Variants in ADARB1 observed in about 807,000 individuals in gnomAD.
ADARB1 encodes adenosine deaminase RNA specific B1, also known as double-stranded RNA-specific editase 1.
In ADARB1, 10 loss-of-function variants were observed where a neutral mutation model predicts 52.4. That is an observed-to-expected ratio of 0.19 (90% CI 0.12 to 0.32). The LOEUF (loss-of-function observed/expected upper bound fraction) is 0.32, where lower values mean the gene tolerates loss of function less well. Ranked by LOEUF, ADARB1 falls within the 10% of genes least tolerant of loss-of-function variation. The pLI is 1.00. For synonymous variants in ADARB1, 349 were observed against 371.1 expected, an observed-to-expected ratio of 0.94 and a Z score of 0.68; for missense variants, 643 against 922.3, an observed-to-expected ratio of 0.70 and a Z score of 3.92.
intron 2 of ADARB1, among the ~76,000 whole-genome samples, chr21:45,139,959 T>C (rs2089628097): frequency 8.5e-6 from 1 of 118,134 alleles, no homozygotes; most frequent in South Asian, 2.8e-4. Context: ...TTTTTTTTTT[T>C]TGACACAGAG....
chr21:45,176,544 G>A lies in ADARB1; in HGVS notation c.843G>A (p.Lys281=), dbSNP rs61735851. The A allele has an allele frequency of 5.9e-3, 9,586 of 1,614,224 alleles. 49 individuals carry two copies. The highest frequency in any genetic ancestry group is 7.2e-3 in the Non-Finnish European group (8,544 of 1,180,028). ...TCTTTGAAGGCTCGGGGAGAAACAAGAAGCTTGCCAAGGCCCGGGCTGCGC... is the reference window on the plus strand; with the variant it reads ...TCTTTGAAGGCTCGGGGAGAAACAAAAAGCTTGCCAAGGCCCGGGCTGCGC... ...GQFFEGSGRN[K]KLAKARAAQS... The change falls in exon 4 of 11, where the codon AAG becomes AAA. Residue 281 remains lysine (K), a synonymous_variant. Transcript: ENST00000348831. This position sits in a 1 kb window ranked among gnomAD's most constrained non-coding sequence, Gnocchi z 5.8.
chr21:45,193,075 C>G (rs938595185), intron 8 of ADARB1, among the ~76,000 whole-genome samples: 1 of 152,152 alleles, frequency 6.6e-6, no homozygotes, highest in Non-Finnish European at 1.5e-5. Context: ...AGAGATACTT[C>G]CCAACTCATT....
chr21:45,083,867 A>AT (rs2086240996), intron 1 of ADARB1, among the ~76,000 whole-genome samples: 1 of 152,054 alleles, frequency 6.6e-6, no homozygotes. Context: ...CACCCGGCTA[A>AT]TTTTTGTATT....
chr21:45,144,047 A>G (rs1045384305), intron 2 of ADARB1, among the ~76,000 whole-genome samples: 5 of 152,210 alleles, frequency 3.3e-5, no homozygotes, highest in African/African-American at 9.7e-5. Context: ...GTACTGGTAC[A>G]TAGTAGATGC....
intron 2 of ADARB1, among the ~76,000 whole-genome samples, chr21:45,140,774 G>C (rs2089679507): frequency 6.6e-6 from 1 of 152,164 alleles, no homozygotes; most frequent in African/African-American, 2.4e-5. Context: ...GTTTAATTCA[G>C]TGAGTGATCT....
chr21:45,213,802 A>G lies in ADARB1; in HGVS notation c.1748-7034A>G, dbSNP rs146954335. ...AATTTGTTTTTCCCTTGAAATATTG[A>G]TGGATATTTAGGTTGTCTCCAGTCT... On this transcript the variant is annotated intron_variant, in intron 9 of 10. Coordinates refer to ENST00000348831, the MANE Select transcript of ADARB1 (RefSeq NM_001112.4). Among the ~76,000 whole-genome samples, 561 of 152,240 alleles carry G rather than the reference A, an allele frequency of 3.7e-3. 2 individuals are homozygous for G. Among genetic ancestry groups the G allele is most frequent in the Non-Finnish European group, 5.6e-3 (378 of 68,028 alleles).
chr21:45,134,325 T>G (rs1471209428), intron 2 of ADARB1, among the ~76,000 whole-genome samples: 18 of 136,742 alleles, frequency 1.3e-4, no homozygotes, highest in East Asian at 2.2e-4. Flanking sequence ...GCCCGCCGGG[T>G]GTGTGCCCGA....
At chr21:45,174,418 T>G (rs2091606553) in intron 3 of ADARB1, among the ~76,000 whole-genome samples, 1 of 152,126 alleles carries the variant, frequency 6.6e-6, no homozygotes, top group Non-Finnish European at 1.5e-5. Flanking sequence ...AATAAAAAAT[T>G]AGGGCTGGGC....
At chr21:45,152,477 G>C (rs2090342230) in intron 2 of ADARB1, 1 of 238,894 alleles carries the variant, frequency 4.2e-6, no homozygotes, top group South Asian at 3.8e-5. Flanking sequence ...CAGAGGAGGA[G>C]GCTCCCTCGT....
chr21:45,144,558 A>G (rs915021695), intron 2 of ADARB1: 20 of 422,764 alleles, frequency 4.7e-5, no homozygotes, highest in African/African-American at 4.1e-4. Context: ...AATCGTTGCT[A>G]TTCTGCTTTG....
At chr21:45,183,972 T>C (rs1288905477) in intron 7 of ADARB1, among the ~76,000 whole-genome samples, 2 of 152,246 alleles carry the variant, frequency 1.3e-5, no homozygotes, top group African/African-American at 2.4e-5. Context: ...GTTAGCACTT[T>C]TGTTTTTTAG....
intron 1 of ADARB1, among the ~76,000 whole-genome samples, chr21:45,089,191 GTGAT>G (rs2086464975): frequency 6.6e-6 from 1 of 152,192 alleles, no homozygotes; most frequent in Non-Finnish European, 1.5e-5. Flanking sequence ...ATACAGGTCT[GTGAT>G]TGATACATAC....
chr21:45,083,333 A>G (rs1183752305), intron 1 of ADARB1, among the ~76,000 whole-genome samples: 1 of 152,226 alleles, frequency 6.6e-6, no homozygotes, highest in Non-Finnish European at 1.5e-5. Context: ...TACTTGGTGA[A>G]TCAGTCATAT....
At chr21:45,201,171 A>G (rs2146326422) in intron 8 of ADARB1, among the ~76,000 whole-genome samples, 1 of 152,260 alleles carries the variant, frequency 6.6e-6, no homozygotes, top group East Asian at 1.9e-4. Context: ...CAGTCTTGGC[A>G]GAGCTTTACT....
intron 2 of ADARB1, among the ~76,000 whole-genome samples, chr21:45,136,751 G>A (rs1043694489): frequency 1.3e-5 from 2 of 152,250 alleles, no homozygotes; most frequent in East Asian, 3.8e-4. Flanking sequence ...TGCTTGGTGT[G>A]TGCGCTGCAG....
At position 45,215,771 on chromosome 21, in the gene ADARB1, T is replaced by C. The variant is rs182090081; in HGVS notation, c.1748-5065T>C. On this transcript the variant is annotated intron_variant, in intron 9 of 10. Transcript: ENST00000348831. ...GTTTGCTAAAATTTCATTTAGAATT[T>C]TTGTATTTATATTTGTCTGTAGGGA... 3.9e-4 allele frequency among the ~76,000 whole-genome samples: 60 copies of C among 152,366 alleles called. No homozygotes were observed. The East Asian group carries it at 0.011, about 27-fold the overall frequency.
At chr21:45,143,923 G>GAC (rs2145909980) in intron 2 of ADARB1, among the ~76,000 whole-genome samples, 1 of 152,242 alleles carries the variant, frequency 6.6e-6, no homozygotes, top group South Asian at 2.1e-4. Flanking sequence ...CATCTTTTAT[G>GAC]ACCCCCATTG....
At chr21:45,209,490 T>G (rs1024800603) in intron 9 of ADARB1, among the ~76,000 whole-genome samples, 1 of 152,170 alleles carries the variant, frequency 6.6e-6, no homozygotes, top group African/African-American at 2.4e-5. Flanking sequence ...GGGCCCTGGA[T>G]CTTGATGTTA....
rs2090734375 is a variant in ADARB1 at position 45,157,638 on chromosome 21, C to G, written c.-47-13972C>G. On this transcript the variant is annotated intron_variant, in intron 2 of 10. Transcript: ENST00000348831. This position sits in a 1 kb window ranked among gnomAD's most constrained non-coding sequence, Gnocchi z 4.1. ...AGGCATGCCTGACTGAGGCGGGAAA[C>G]AAGCGTGTGGATCAGTGTGGCTCTG... Among the ~76,000 whole-genome samples, 1 of 152,154 alleles carries G rather than the reference C, an allele frequency of 6.6e-6. No homozygotes were observed. Among genetic ancestry groups the G allele is most frequent in the African/African-American group, 2.4e-5 (1 of 41,416 alleles).
Sources: gnomAD v4.1 joint callset for allele counts (sites outside exome capture counted in the v4.1 genomes callset) on GRCh38, gnomAD v4.1.1 for gene constraint, Gnocchi (gnomAD v3.1) non-coding constraint, MANE v1.5 for transcripts, NCBI Gene and HGNC (gene_info 2026-07-23, HGNC 2026-07-21) for gene names.